The following FGF12 variants were observed in gnomAD, a reference collection of about 807,000 sequenced individuals.
The protein encoded by FGF12 is fibroblast growth factor 12.
FGF12 carries 14 observed loss-of-function variants against 23.6 expected under a neutral mutation model. The ratio of observed to expected loss-of-function variants is 0.59; its 90% CI spans 0.39 to 0.93. FGF12 has a LOEUF of 0.93. Among genes scored for constraint, FGF12 ranks in the 40% least tolerant of loss-of-function variants. The pLI is 0.00. For missense variants in FGF12, 175 were observed against 217.8 expected, an observed-to-expected ratio of 0.80 and a Z score of 1.24; for synonymous variants, 62 against 77.3, an observed-to-expected ratio of 0.80 and a Z score of 1.04.
intron 2 of FGF12, among the ~76,000 whole-genome samples, chr3:192,651,071 C>T (rs900363823): frequency 1.3e-5 from 2 of 152,160 alleles, no homozygotes; most frequent in Non-Finnish European, 2.9e-5. Flanking sequence ...CCTTTGTATT[C>T]GTAGGCACAG....
intron 4 of FGF12, among the ~76,000 whole-genome samples, chr3:192,277,514 A>G (rs950897684): frequency 5.9e-5 from 9 of 152,160 alleles, no homozygotes; most frequent in African/African-American, 1.9e-4. Flanking sequence ...ATCAATCTCT[A>G]TAGGGTATTC....
chr3:192,167,769 AAAATTT>A (rs1205773486), intron 5 of FGF12, among the ~76,000 whole-genome samples: 633 of 38,854 alleles, frequency 0.016, 75 homozygotes, highest in Non-Finnish European at 0.022. Flanking sequence ...ATATATATAT[AAAATTT>A]TTTTTTTTTT....
intron 2 of FGF12, among the ~76,000 whole-genome samples, chr3:192,628,722 AATAC>A (rs1715274976): frequency 2.0e-5 from 3 of 149,884 alleles, no homozygotes; most frequent in African/African-American, 7.3e-5. Context: ...TATATACATA[AATAC>A]ATATATACAC....
chr3:192,236,193 C>A (rs1259495850), intron 4 of FGF12, among the ~76,000 whole-genome samples: 1 of 151,990 alleles, frequency 6.6e-6, no homozygotes, highest in African/African-American at 2.4e-5. Flanking sequence ...GTATTGATTT[C>A]TATTCTTATT....
chr3:192,631,394 T>G (rs1715387822), intron 2 of FGF12, among the ~76,000 whole-genome samples: 1 of 152,218 alleles, frequency 6.6e-6, no homozygotes, highest in Non-Finnish European at 1.5e-5. Context: ...AGTATAGCAC[T>G]CCTGGCTTCC....
At chr3:192,687,203 T>C (rs1244752520) in intron 2 of FGF12, among the ~76,000 whole-genome samples, 1 of 150,318 alleles carries the variant, frequency 6.7e-6, no homozygotes, top group South Asian at 2.1e-4. Flanking sequence ...GAGACAAATA[T>C]TTGCCTTGGG....
At chr3:192,515,673 AGAG>A (rs986292096) in intron 2 of FGF12, among the ~76,000 whole-genome samples, 6 of 152,158 alleles carry the variant, frequency 3.9e-5, no homozygotes, top group African/African-American at 1.4e-4. Context: ...GGACAGAGGG[AGAG>A]GAGGCAGGTG....
At chr3:192,648,083 G>C (rs138789131) in intron 2 of FGF12, among the ~76,000 whole-genome samples, 176 of 152,120 alleles carry the variant, frequency 1.2e-3, no homozygotes, top group African/African-American at 4.1e-3. Flanking sequence ...CACACTTCTA[G>C]GAGGTGGCAT....
chr3:192,606,803 G>T (rs1320008832), intron 2 of FGF12, among the ~76,000 whole-genome samples: 1 of 152,162 alleles, frequency 6.6e-6, no homozygotes, highest in African/African-American at 2.4e-5. Flanking sequence ...CTATCAAACA[G>T]CTTCCAACTG....
chr3:192,215,687 C>T (rs1250818406), intron 4 of FGF12, among the ~76,000 whole-genome samples: 1 of 152,210 alleles, frequency 6.6e-6, no homozygotes, highest in East Asian at 1.9e-4. Flanking sequence ...AGAGCCATCT[C>T]TGTACAGATT....
intron 4 of FGF12, among the ~76,000 whole-genome samples, chr3:192,209,841 C>T (rs991041591): frequency 8.5e-5 from 13 of 152,312 alleles, no homozygotes; most frequent in South Asian, 2.1e-4. Flanking sequence ...AGAAACCAAA[C>T]GTTCTTGACT....
chr3:192,511,480 T>C (rs760376875), intron 2 of FGF12, among the ~76,000 whole-genome samples: 2 of 152,214 alleles, frequency 1.3e-5, no homozygotes, highest in African/African-American at 4.8e-5. Context: ...TTGAGAGGAA[T>C]GGGAATAGGC....
chr3:192,367,143 C>G (rs189892204), intron 2 of FGF12, among the ~76,000 whole-genome samples: 7 of 152,278 alleles, frequency 4.6e-5, no homozygotes, highest in Middle Eastern at 3.4e-3. Context: ...TTGAGATAAG[C>G]CAGATGGTCC....
intron 4 of FGF12, among the ~76,000 whole-genome samples, chr3:192,307,852 T>C (rs1715730444): frequency 6.6e-6 from 1 of 152,146 alleles, no homozygotes; most frequent in African/African-American, 2.4e-5. Flanking sequence ...ATGTGGCCAA[T>C]TACTTCCCTC....
chr3:192,430,193 TA>T (rs915242865), intron 2 of FGF12, among the ~76,000 whole-genome samples: 58 of 147,332 alleles, frequency 3.9e-4, no homozygotes, highest in Admixed American at 1.7e-3. Context: ...TATTCAGCCT[TA>T]AAAAAAAAAG....
At chr3:192,156,628 T>C (rs755579544) in intron 5 of FGF12, among the ~76,000 whole-genome samples, 2 of 149,556 alleles carry the variant, frequency 1.3e-5, no homozygotes, top group Non-Finnish European at 2.9e-5. Flanking sequence ...CATCTGGCTT[T>C]TCTGGGTTGT....
At chr3:192,277,214 C>T (rs567984088) in intron 4 of FGF12, among the ~76,000 whole-genome samples, 17 of 152,278 alleles carry the variant, frequency 1.1e-4, no homozygotes, top group African/African-American at 3.9e-4. Context: ...ACTGCTGTCC[C>T]TATCAAAGAA....
rs190988098 is a variant in FGF12 at position 192,208,721 on chromosome 3, C to A, written c.229-38065G>T. On this transcript the variant is annotated intron_variant, in intron 4 of 5. Transcript: ENST00000445105. ...TGTTGGGAACCCTCTTTGAGGAATGCTTTCAGAGCATTCTTTGACCTATCT... is the reference window on the plus strand; with the variant it reads ...TGTTGGGAACCCTCTTTGAGGAATGATTTCAGAGCATTCTTTGACCTATCT... Among the ~76,000 whole-genome samples the A allele has an allele frequency of 9.1e-4, 138 of 152,278 alleles. 1 individual carries two copies. The highest frequency in any genetic ancestry group is 2.9e-3 in the African/African-American group (119 of 41,578).
chr3:192,460,673 C>T (rs1236772492), intron 2 of FGF12, among the ~76,000 whole-genome samples: 1 of 136,634 alleles, frequency 7.3e-6, no homozygotes, highest in Non-Finnish European at 1.6e-5. Flanking sequence ...CACACACACA[C>T]ACATATATTT....
Sources: allele counts gnomAD v4.1 joint callset (sites outside exome capture counted in the v4.1 genomes callset), GRCh38; gene constraint gnomAD v4.1.1; transcripts MANE v1.5; gene names NCBI Gene and HGNC (gene_info 2026-07-23, HGNC 2026-07-21).